The following CUX1 variants were observed in gnomAD, a reference collection of about 807,000 sequenced individuals.
CUX1 encodes cut like homeobox 1.
A neutral mutation model predicts 158.8 loss-of-function variants in CUX1; 31 were observed. The ratio of observed to expected loss-of-function variants is 0.20; its 90% confidence interval spans 0.15 to 0.26. CUX1 has a LOEUF of 0.26. Ranked by LOEUF, CUX1 falls within the 10% of genes least tolerant of loss-of-function variation. The pLI, the probability that CUX1 is intolerant of heterozygous loss-of-function variation, is 1.00. For synonymous variants in CUX1, 879 were observed against 862.1 expected (o/e 1.02, Z -0.34); for missense variants, 1,589 against 2,014.6 (o/e 0.79, Z 4.04).
intron 14 of CUX1, 72 bp downstream of exon 14, chr7:102,195,675 T>G (rs900393369): frequency 1.4e-6 from 2 of 1,388,344 alleles, no homozygotes; most frequent in Non-Finnish European, 2.0e-6. Context: ...ACGAGGAAGG[T>G]GAATCGTGAG....
At chr7:102,089,778 T>C (rs566613095) in intron 4 of CUX1, among the ~76,000 whole-genome samples, 1 of 152,376 alleles carries the variant, frequency 6.6e-6, no homozygotes, top group East Asian at 1.9e-4. Flanking sequence ...CACTCTGCCT[T>C]GCAAATTCCA....
intron 3 of CUX1, among the ~76,000 whole-genome samples, chr7:102,030,384 G>A (rs1381702925): frequency 7.5e-5 from 6 of 79,726 alleles, no homozygotes; most frequent in South Asian, 1.0e-3. Context: ...TCCCCTCCCC[G>A]CCCACCACTT....
exon 22 of CUX1, chr7:102,282,721 A>G (rs367747037): frequency 6.2e-7 from 1 of 1,613,182 alleles, no homozygotes; most frequent in Non-Finnish European, 8.5e-7. Context: ...GGTGCTCTAC[A>G]AGCTGGCATG....
chr7:101,841,939 ATTATTTTAGC>A (rs1441848889), intron 1 of CUX1, among the ~76,000 whole-genome samples: 2 of 152,154 alleles, frequency 1.3e-5, no homozygotes, highest in Admixed American at 6.6e-5. Context: ...TCTGCTAAGT[ATTATTTTAGC>A]TGTGTTCCAC....
At chr7:102,228,225 A>G (rs1798559729) in intron 21 of CUX1, among the ~76,000 whole-genome samples, 1 of 151,852 alleles carries the variant, frequency 6.6e-6, no homozygotes, top group South Asian at 2.1e-4. Context: ...TCTTGGGATC[A>G]CAGGATCCCA....
intron 2 of CUX1, among the ~76,000 whole-genome samples, chr7:101,928,781 C>T (rs1278845436): frequency 2.0e-5 from 3 of 151,294 alleles, no homozygotes; most frequent in East Asian, 2.0e-4. Context: ...TGCCATTCTC[C>T]TGCCTCAGCC....
rs1818269572 is a variant in CUX1 at position 102,013,500 on chromosome 7, A to G, written c.142-14598A>G. The stretch of plus-strand genomic sequence containing the variant: ...ACCGCATGAAAGTCACTATTTGGGA[A>G]CAGGCCTGAGAAAGCTTGCTTAGAG... On this transcript the variant is annotated intron_variant, in intron 2 of 23. Coordinates refer to ENST00000292535, the MANE Select transcript of CUX1 (RefSeq NM_181552.4). Among the ~76,000 whole-genome samples the G allele has an allele frequency of 4.6e-5, 7 of 152,284 alleles. No homozygotes were observed. In the South Asian group the frequency reaches 1.4e-3, roughly 32 times the overall value.
At chr7:102,218,449 C>T (rs182598810) in intron 20 of CUX1, among the ~76,000 whole-genome samples, 38 of 152,100 alleles carry the variant, frequency 2.5e-4, no homozygotes, top group African/African-American at 8.9e-4. Flanking sequence ...TTTGGGAGGC[C>T]GAGGCAGGAG....
At chr7:101,976,759 A>G (rs914434021) in intron 2 of CUX1, among the ~76,000 whole-genome samples, 4 of 152,186 alleles carry the variant, frequency 2.6e-5, no homozygotes. Context: ...TGAAAACTCC[A>G]TGTGCCTCTT....
At chr7:102,046,290 G>A (rs184415881) in intron 3 of CUX1, among the ~76,000 whole-genome samples, 1 of 150,932 alleles carries the variant, frequency 6.6e-6, no homozygotes, top group East Asian at 2.0e-4. Context: ...TGGAGTGTAG[G>A]GATGCGATTG....
At chr7:101,940,206 C>T (rs1338818460) in intron 2 of CUX1, among the ~76,000 whole-genome samples, 1 of 150,692 alleles carries the variant, frequency 6.6e-6, no homozygotes, top group Non-Finnish European at 1.5e-5. Flanking sequence ...CACCACTGCA[C>T]TCCAGCCTGG....
chr7:102,107,927 G>C (rs1400354502), intron 6 of CUX1, among the ~76,000 whole-genome samples: 3 of 152,224 alleles, frequency 2.0e-5, no homozygotes, highest in Non-Finnish European at 4.4e-5. Context: ...GAGCGCGGCA[G>C]GGCACAGACT....
intron 2 of CUX1, among the ~76,000 whole-genome samples, chr7:102,004,779 C>A (rs139466221): frequency 7.0e-4 from 107 of 152,202 alleles, no homozygotes; most frequent in African/African-American, 2.5e-3. Flanking sequence ...TGGACAGGTA[C>A]ACAGTGCAGC....
At chr7:102,032,830 ATGGGT>A (rs1180025460) in intron 3 of CUX1, among the ~76,000 whole-genome samples, 10 of 152,198 alleles carry the variant, frequency 6.6e-5, no homozygotes, top group Admixed American at 6.5e-4. Context: ...CAGCAAATTG[ATGGGT>A]GGTGTGGGGG....
chr7:101,834,953 G>A (rs931787657), intron 1 of CUX1, among the ~76,000 whole-genome samples: 2 of 151,870 alleles, frequency 1.3e-5, no homozygotes, highest in African/African-American at 2.4e-5. Context: ...CCAAGATCTC[G>A]CCACTGCACT....
At chr7:102,151,727 C>CAAAAAA (rs1159017025) in intron 8 of CUX1, among the ~76,000 whole-genome samples, 6 of 38,878 alleles carry the variant, frequency 1.5e-4, no homozygotes, top group African/African-American at 2.7e-4. Context: ...GACTCTGTCT[C>CAAAAAA]AAAAAAAAAA....
rs746325734 is a variant in CUX1, at chr7:102,031,519, AT to A, written c.189+3383del. Reference sequence around the variant, plus strand: ...ATCTAGGCTAAGCTTCCATTTGCCTATTTTTTTTTAAAGGCCATATGAAAGC... The same window carrying A: ...ATCTAGGCTAAGCTTCCATTTGCCTATTTTTTTTAAAGGCCATATGAAAGC... On this transcript the variant is annotated intron_variant, in intron 3 of 23. Transcript: ENST00000292535. Among the ~76,000 whole-genome samples, 1,061 of 151,260 alleles carry A rather than the reference AT, an allele frequency of 7.0e-3. 7 individuals carry two copies. The highest frequency in any genetic ancestry group is 0.011 in the Non-Finnish European group (769 of 67,716).
intron 1 of CUX1, among the ~76,000 whole-genome samples, chr7:101,905,463 C>T (rs1162180749): frequency 6.6e-6 from 1 of 152,238 alleles, no homozygotes. Flanking sequence ...ACTCCAGATT[C>T]TGTTCACCCG....
intron 2 of CUX1, among the ~76,000 whole-genome samples, chr7:101,966,089 G>A (rs1811168875): frequency 6.6e-6 from 1 of 151,988 alleles, no homozygotes; most frequent in African/African-American, 2.4e-5. Flanking sequence ...TTTTGGGACA[G>A]GGTCTCACTC....
Sources: allele counts gnomAD v4.1 joint callset (sites outside exome capture counted in the v4.1 genomes callset), GRCh38; gene constraint gnomAD v4.1.1; transcripts MANE v1.5; gene names NCBI Gene and HGNC (gene_info 2026-07-23, HGNC 2026-07-21).